PTPRN2: variants seen among roughly 807,000 people sequenced by gnomAD.
PTPRN2 encodes receptor-type tyrosine-protein phosphatase N2.
In PTPRN2, 74 loss-of-function variants were observed where a neutral mutation model predicts 118.8. The observed-to-expected ratio is 0.62, with a 90% confidence interval of 0.52 to 0.76. The LOEUF (loss-of-function observed/expected upper bound fraction) is 0.76. PTPRN2 is among the 30% of genes least tolerant of loss of function. The probability of loss-of-function intolerance (pLI) is 0.00; values close to 1 mark genes in which losing one functional copy is unlikely to be tolerated. For missense variants in PTPRN2, 1,481 were observed against 1,394.4 expected (o/e 1.06, Z -0.99); for synonymous variants, 641 against 608.0 (o/e 1.05, Z -0.80).
intron 12 of PTPRN2, among the ~76,000 whole-genome samples, chr7:157,827,082 C>T (rs748627954): frequency 1.3e-5 from 2 of 152,096 alleles, no homozygotes; most frequent in Admixed American, 6.6e-5. Context: ...ACAACACTGC[C>T]AGACATCTGA....
At chr7:157,658,312 C>T (rs539406938) in intron 13 of PTPRN2, among the ~76,000 whole-genome samples, 1 of 152,254 alleles carries the variant, frequency 6.6e-6, no homozygotes, top group Admixed American at 6.5e-5. Flanking sequence ...TCCAAGAGCC[C>T]ATGCAAGAGA....
At chr7:158,037,560 T>C (rs144126614) in intron 11 of PTPRN2, among the ~76,000 whole-genome samples, 1 of 152,326 alleles carries the variant, frequency 6.6e-6, no homozygotes, top group East Asian at 1.9e-4. Context: ...TGTATTTGTG[T>C]CTGAACACAT....
chr7:157,546,798 C>T (rs965466206), intron 22 of PTPRN2, among the ~76,000 whole-genome samples: 1 of 152,230 alleles, frequency 6.6e-6, no homozygotes, highest in Non-Finnish European at 1.5e-5. Context: ...TCTGATGAGT[C>T]CCAAAGCACC....
chr7:157,678,381 C>T (rs1363962712), intron 13 of PTPRN2, among the ~76,000 whole-genome samples: 2 of 152,170 alleles, frequency 1.3e-5, no homozygotes, highest in African/African-American at 4.8e-5. Context: ...TTCTATTACT[C>T]GTGATTACAC....
chr7:158,171,242 C>CAT (rs1179703362), intron 5 of PTPRN2, among the ~76,000 whole-genome samples: 2 of 132,094 alleles, frequency 1.5e-5, no homozygotes, highest in Non-Finnish European at 3.1e-5. Context: ...TATATATACA[C>CAT]ATATATACAC....
intron 9 of PTPRN2, among the ~76,000 whole-genome samples, 173 bp from the exon 10 acceptor site, chr7:158,111,088 A>G (rs1816221506): frequency 6.6e-6 from 1 of 152,172 alleles, no homozygotes; most frequent in South Asian, 2.1e-4. Context: ...TCCAGCAACA[A>G]GACAAACAGT....
At chr7:158,069,056 C>T (rs1811003455) in intron 11 of PTPRN2, among the ~76,000 whole-genome samples, 1 of 152,188 alleles carries the variant, frequency 6.6e-6, no homozygotes. Context: ...TCATACGAAT[C>T]ATCGCATCTC....
intron 14 of PTPRN2, 101 bp from the exon 15 acceptor site, chr7:157,621,610 A>C: frequency 6.9e-7 from 1 of 1,448,534 alleles, no homozygotes; most frequent in Non-Finnish European, 9.4e-7. Context: ...CGCGTGGGCC[A>C]TGCCCACCTT....
At chr7:157,993,757 ATC>A (rs1804433268) in intron 11 of PTPRN2, among the ~76,000 whole-genome samples, 1 of 152,144 alleles carries the variant, frequency 6.6e-6, no homozygotes, top group Non-Finnish European at 1.5e-5. Context: ...GGAAGTTCAA[ATC>A]TCTGATTTGA....
chr7:158,231,455 G>A (rs1479409564), intron 3 of PTPRN2, among the ~76,000 whole-genome samples: 1 of 152,054 alleles, frequency 6.6e-6, no homozygotes, highest in Non-Finnish European at 1.5e-5. Context: ...CCCAACAATG[G>A]AACACTGAAG....
At chr7:158,255,260 T>C (rs1563044720) in intron 3 of PTPRN2, among the ~76,000 whole-genome samples, 1 of 152,172 alleles carries the variant, frequency 6.6e-6, no homozygotes, top group Non-Finnish European at 1.5e-5. Flanking sequence ...TGTTTGGGGC[T>C]TATCTGACCG....
At chr7:158,263,303 G>A (rs558473581) in intron 3 of PTPRN2, among the ~76,000 whole-genome samples, 40 of 152,214 alleles carry the variant, frequency 2.6e-4, no homozygotes, top group African/African-American at 5.5e-4. Context: ...TGTGCACACC[G>A]TGTGTGGGTG....
intron 9 of PTPRN2, among the ~76,000 whole-genome samples, chr7:158,115,103 G>C (rs1481048527): frequency 6.6e-6 from 1 of 152,154 alleles, no homozygotes; most frequent in Non-Finnish European, 1.5e-5. Context: ...GGAGCTCAAG[G>C]CTGCAATGAG....
At chr7:157,806,383 T>C (rs7796348) in intron 12 of PTPRN2, among the ~76,000 whole-genome samples, 50,641 of 152,060 alleles carry the variant, frequency 0.33, 10,273 homozygotes, top group African/African-American at 0.57. Context: ...TATTCATGCA[T>C]GTGTACAAAA....
At chr7:158,337,190 C>T (rs1214901393) in intron 2 of PTPRN2, among the ~76,000 whole-genome samples, 13 of 152,186 alleles carry the variant, frequency 8.5e-5, no homozygotes, top group African/African-American at 2.7e-4. Context: ...CACACCGACA[C>T]TCTCACCATA....
Position 158,526,026 on chromosome 7 carries a change from C to T in PTPRN2, c.113-36241G>A, listed in dbSNP as rs1363057860. Among the ~76,000 whole-genome samples, 2 of 152,244 alleles carry T rather than the reference C, an allele frequency of 1.3e-5. No homozygotes were observed. Among genetic ancestry groups the T allele is most frequent in the African/African-American group, 4.8e-5 (2 of 41,462 alleles). ...AGACCTGCAGCCCAGCCCCTACTCT[C>T]CCCTCTGGCTGGCATTGTGCAGTCC... On this transcript the variant is annotated intron_variant, in intron 1 of 22. Transcript: ENST00000389418. This position sits in a 1 kb window ranked among gnomAD's most constrained non-coding sequence, Gnocchi z 5.2.
intron 2 of PTPRN2, among the ~76,000 whole-genome samples, chr7:158,369,636 T>C (rs930397124): frequency 3.3e-5 from 5 of 152,196 alleles, no homozygotes; most frequent in South Asian, 2.1e-4. Flanking sequence ...TTTCCCGTTA[T>C]AAGGATAAAA....
rs185288066 is a variant in PTPRN2 at position 158,471,977 on chromosome 7, C to T, written c.163+17758G>A. Among the ~76,000 whole-genome samples the T allele has an allele frequency of 5.6e-3, 847 of 151,880 alleles. 8 individuals are homozygous for T. Among genetic ancestry groups the T allele is most frequent in the African/African-American group, 0.019 (802 of 41,398 alleles). On this transcript the variant is annotated intron_variant, in intron 2 of 22. Coordinates refer to ENST00000389418, the MANE Select transcript of PTPRN2 (RefSeq NM_002847.5). The stretch of plus-strand genomic sequence containing the variant: ...CTGACTCCAATCATGCTTCCGGCCC[C>T]GCCACGGTTCCGGCCCCGCCACGGT...
At chr7:158,423,900 C>A (rs1427444398) in intron 2 of PTPRN2, among the ~76,000 whole-genome samples, 3 of 152,210 alleles carry the variant, frequency 2.0e-5, no homozygotes, top group East Asian at 3.8e-4. Flanking sequence ...CTGCTTTGCA[C>A]GGAGTTCTGC....
Sources: allele counts gnomAD v4.1 joint callset (sites outside exome capture counted in the v4.1 genomes callset), GRCh38; gene constraint gnomAD v4.1.1; non-coding constraint Gnocchi (gnomAD v3.1); transcripts MANE v1.5; gene names NCBI Gene and HGNC (gene_info 2026-07-23, HGNC 2026-07-21).